The following SYT16 variants were observed in gnomAD, a reference collection of about 807,000 sequenced individuals.
SYT16 encodes the protein synaptotagmin 16, also known as synaptotagmin-16.
A neutral mutation model predicts 61.4 loss-of-function variants in SYT16; 42 were observed. That is an observed-to-expected ratio of 0.68 (90% CI 0.53 to 0.89). The LOEUF (loss-of-function observed/expected upper bound fraction) is 0.89, where lower values mean the gene tolerates loss of function less well. SYT16 is among the 40% of genes least tolerant of loss of function. SYT16 has a pLI of 0.00. For synonymous variants in SYT16, 314 were observed against 302.3 expected (o/e 1.04, Z -0.40); for missense variants, 804 against 807.3 (o/e 1.00, Z 0.05).
rs189367347 is a variant in SYT16, at chr14:61,949,614, G to A, written c.-324-20518G>A. On this transcript the variant is annotated intron_variant, in intron 1 of 7. Coordinates refer to ENST00000683842, the MANE Select transcript of SYT16 (RefSeq NM_001367656.1). Reference sequence around the variant, plus strand: ...TGAGACTATAGATGCTCACCACACCGCACTGGGCTGATTCTTGTATTCTTA... The same window carrying A: ...TGAGACTATAGATGCTCACCACACCACACTGGGCTGATTCTTGTATTCTTA... Among the ~76,000 whole-genome samples, 443 of 152,122 alleles carry A rather than the reference G, an allele frequency of 2.9e-3. 4 individuals are homozygous for A. The highest frequency in any genetic ancestry group is 0.017 in the Middle Eastern group (5 of 294).
intron 2 of SYT16, among the ~76,000 whole-genome samples, chr14:61,974,810 T>C (rs557242843): frequency 1.3e-5 from 2 of 152,334 alleles, no homozygotes; most frequent in South Asian, 4.1e-4. Flanking sequence ...TTTTGTACAT[T>C]GAGGCAAAGC....
rs529133988 is a variant in SYT16, at chr14:62,105,011, C to A, written c.*4304C>A. The A allele has an allele frequency of 6.6e-6, 1 of 152,158 alleles. No homozygotes were observed. The highest frequency in any genetic ancestry group is 1.5e-5 in the Non-Finnish European group (1 of 68,026). 9.4% of individuals were successfully genotyped at this position (152,158 alleles called of 1,614,324 possible). On this transcript the variant is annotated 3_prime_UTR_variant, in exon 8 of 8. Coordinates refer to ENST00000683842, the MANE Select transcript of SYT16 (RefSeq NM_001367656.1). The stretch of plus-strand genomic sequence containing the variant: ...AACACTAGAGAAAAACAAAAACCAA[C>A]GTTCAGATACTGTAACAAGGATAGG...
chr14:61,880,782 A>T (rs1281624360), intron 1 of SYT16, among the ~76,000 whole-genome samples: 1 of 152,082 alleles, frequency 6.6e-6, no homozygotes, highest in Non-Finnish European at 1.5e-5. Context: ...CTTGTGTATT[A>T]TTCTTATAGG....
At chr14:61,949,406 T>C (rs2050576950) in intron 1 of SYT16, among the ~76,000 whole-genome samples, 1 of 152,224 alleles carries the variant, frequency 6.6e-6, no homozygotes, top group African/African-American at 2.4e-5. Flanking sequence ...AGACTGAGTA[T>C]CTCTGTGTGA....
intron 7 of SYT16, among the ~76,000 whole-genome samples, chr14:62,089,314 A>G (rs1473831857): frequency 9.9e-6 from 1 of 101,084 alleles, no homozygotes; most frequent in Non-Finnish European, 2.2e-5. Flanking sequence ...GTGAGATTCC[A>G]TCTCAAAAAA....
At chr14:61,927,803 A>T (rs995735033) in intron 1 of SYT16, among the ~76,000 whole-genome samples, 1 of 152,192 alleles carries the variant, frequency 6.6e-6, no homozygotes, top group African/African-American at 2.4e-5. Context: ...GGAGAGCAAG[A>T]AGTCATTATG....
In SYT16 at chr14:62,102,465, T is replaced by G. The variant is rs1359722449; in HGVS notation, c.*1758T>G. On this transcript the variant is annotated 3_prime_UTR_variant, in exon 8 of 8. Transcript: ENST00000683842. ...GGAATATGTAATAAAACCATGTTCC[T>G]CTGGGTTTTTACCCTACCTTTCTTT... The G allele has an allele frequency of 1.3e-5, 2 of 152,226 alleles. No individual in the cohort carries two copies. Among genetic ancestry groups the G allele is most frequent in the Non-Finnish European group, 1.5e-5 (1 of 68,042 alleles). 9.4% of individuals were successfully genotyped at this position (152,226 alleles called of 1,614,324 possible).
chr14:61,883,204 T>C (rs185100833), intron 1 of SYT16, among the ~76,000 whole-genome samples: 1 of 152,334 alleles, frequency 6.6e-6, no homozygotes, highest in Admixed American at 6.5e-5. Context: ...TGATTAATAT[T>C]TGGCTTCTCA....
At chr14:61,894,780 G>C (rs1272602792) in intron 1 of SYT16, among the ~76,000 whole-genome samples, 1 of 152,192 alleles carries the variant, frequency 6.6e-6, no homozygotes, top group Non-Finnish European at 1.5e-5. Context: ...CTGTGGCTAA[G>C]TAGGAAACCA....
chr14:61,815,140 A>G (rs1594669767), intron 1 of SYT16, among the ~76,000 whole-genome samples: 1 of 152,330 alleles, frequency 6.6e-6, no homozygotes, highest in East Asian at 1.9e-4. Context: ...TTCCTGATTC[A>G]GTAAGTCTGG....
chr14:61,909,569 AT>A (rs2048849821), intron 1 of SYT16, among the ~76,000 whole-genome samples: 1 of 152,016 alleles, frequency 6.6e-6, no homozygotes, highest in African/African-American at 2.4e-5. Context: ...TTGTCACTGG[AT>A]TTGGGACTCA....
At chr14:62,037,359 G>GA (rs1329128382) in intron 3 of SYT16, among the ~76,000 whole-genome samples, 4 of 152,088 alleles carry the variant, frequency 2.6e-5, no homozygotes, top group Non-Finnish European at 5.9e-5. Flanking sequence ...ATCTCTTAGG[G>GA]AAAAAGTTTA....
At chr14:61,971,578 A>G (rs755384336) in intron 2 of SYT16, among the ~76,000 whole-genome samples, 7 of 152,246 alleles carry the variant, frequency 4.6e-5, no homozygotes, top group Non-Finnish European at 8.8e-5. Flanking sequence ...GGGAAGTCTT[A>G]CAATGTCACT....
intron 3 of SYT16, among the ~76,000 whole-genome samples, chr14:62,025,500 G>A (rs538876509): frequency 7.2e-5 from 11 of 152,066 alleles, no homozygotes; most frequent in South Asian, 4.2e-4. Flanking sequence ...GAAAACAATC[G>A]TTTATCAGAT....
chr14:61,837,430 G>A (rs2140246218), intron 1 of SYT16, among the ~76,000 whole-genome samples: 1 of 151,912 alleles, frequency 6.6e-6, no homozygotes, highest in East Asian at 1.9e-4. Flanking sequence ...GTAGAGACAG[G>A]GTTTTGCTAT....
At chr14:62,023,158 C>T (rs2053976166) in intron 3 of SYT16, among the ~76,000 whole-genome samples, 1 of 152,018 alleles carries the variant, frequency 6.6e-6, no homozygotes, top group Non-Finnish European at 1.5e-5. Context: ...ATTTTTTCTT[C>T]TTTTTCCCTG....
At chr14:61,893,623 A>G (rs1326721652) in intron 1 of SYT16, among the ~76,000 whole-genome samples, 1 of 152,218 alleles carries the variant, frequency 6.6e-6, no homozygotes, top group Non-Finnish European at 1.5e-5. Flanking sequence ...CTGTAATTTT[A>G]CTTAGCAACT....
Position 61,996,411 on chromosome 14 carries a change from G to T in SYT16, c.392G>T (p.Arg131Leu), listed in dbSNP as rs17099370. ...SQWPNWASDD[R>L]KLPHVLSSIA... Reference sequence around the variant, plus strand: ...TGGCCCAATTGGGCCAGTGATGACCGCAAGTTACCACATGTGCTTTCTTCT... The same window carrying T: ...TGGCCCAATTGGGCCAGTGATGACCTCAAGTTACCACATGTGCTTTCTTCT... The change falls in exon 3 of 8, where the codon CGC becomes CTC. Residue 131 changes from arginine to leucine, a missense_variant. By Grantham distance (102) the Arg-to-Leu change is moderately radical. Transcript: ENST00000683842. 0.21 allele frequency: 336,247 copies of T among 1,613,232 alleles called. 40,180 individuals are homozygous for T. The highest frequency in any genetic ancestry group is 0.53 in the East Asian group (23,710 of 44,814).
intron 3 of SYT16, among the ~76,000 whole-genome samples, chr14:62,031,240 A>G (rs1297792003): frequency 6.6e-6 from 1 of 152,198 alleles, no homozygotes; most frequent in Non-Finnish European, 1.5e-5. Context: ...TTTAAAACTG[A>G]TTCCTATTTG....
Sources: gnomAD v4.1 joint callset for allele counts (sites outside exome capture counted in the v4.1 genomes callset) on GRCh38, gnomAD v4.1.1 for gene constraint, MANE v1.5 for transcripts, NCBI Gene and HGNC (gene_info 2026-07-23, HGNC 2026-07-21) for gene names.